The following CSRNP3 variants were observed in gnomAD, a reference collection of about 807,000 sequenced individuals.
CSRNP3 encodes the protein cysteine/serine-rich nuclear protein 3.
In CSRNP3, 12 loss-of-function variants were observed where a neutral mutation model predicts 48.0. The observed-to-expected ratio is 0.25, with a 90% CI of 0.16 to 0.41. The LOEUF is 0.41. Among genes scored for constraint, CSRNP3 ranks in the 10% least tolerant of loss-of-function variants. CSRNP3 has a pLI of 1.00. For synonymous variants in CSRNP3, 263 were observed against 269.7 expected (o/e 0.98, Z 0.24); for missense variants, 580 against 724.4 (o/e 0.80, Z 2.29).
chr2:165,538,282 A>C (rs1209533108), intron 3 of CSRNP3, among the ~76,000 whole-genome samples: 1 of 151,978 alleles, frequency 6.6e-6, no homozygotes, highest in Admixed American at 6.6e-5. Flanking sequence ...TTACTACTAC[A>C]TACCACCCTG....
chr2:165,560,915 G>T (rs553587105), intron 3 of CSRNP3, among the ~76,000 whole-genome samples: 35 of 152,170 alleles, frequency 2.3e-4, no homozygotes, highest in African/African-American at 8.2e-4. Flanking sequence ...ATGTGATTTG[G>T]CTCAGTGGAG....
intron 3 of CSRNP3, chr2:165,574,254 G>A (rs958718399): frequency 2.6e-6 from 2 of 758,564 alleles, no homozygotes; most frequent in South Asian, 1.9e-5. Flanking sequence ...AGCGAGAGGA[G>A]GGGGCAGAAG....
chr2:165,628,115 A>C (rs1686469066), intron 4 of CSRNP3, among the ~76,000 whole-genome samples: 1 of 151,880 alleles, frequency 6.6e-6, no homozygotes, highest in African/African-American at 2.4e-5. Context: ...TACCAGCCCT[A>C]CTCTGGCATG....
At chr2:165,580,536 C>T (rs1411572148) in intron 3 of CSRNP3, among the ~76,000 whole-genome samples, 1 of 152,052 alleles carries the variant, frequency 6.6e-6, no homozygotes, top group Non-Finnish European at 1.5e-5. Flanking sequence ...TGTGCAGTAT[C>T]TTTGGCAGGA....
intron 3 of CSRNP3, among the ~76,000 whole-genome samples, chr2:165,573,545 C>A (rs913303580): frequency 6.6e-6 from 1 of 152,176 alleles, no homozygotes; most frequent in African/African-American, 2.4e-5. Flanking sequence ...ACAAGCATTG[C>A]TGCTATATGA....
chr2:165,610,471 T>G (rs1686117726), intron 4 of CSRNP3, among the ~76,000 whole-genome samples: 2 of 152,210 alleles, frequency 1.3e-5, no homozygotes, highest in Non-Finnish European at 2.9e-5. Context: ...CGTAAAACTT[T>G]TTGTACTGGC....
At position 165,491,950 on chromosome 2, in the gene CSRNP3, T is replaced by TAAAAAA. The variant is rs560385044; in HGVS notation, c.-282-2797_-282-2792dup. Among the ~76,000 whole-genome samples, 259 of 104,544 alleles carry TAAAAAA rather than the reference T, an allele frequency of 2.5e-3. 3 individuals are homozygous for TAAAAAA. The highest frequency in any genetic ancestry group is 0.015 in the South Asian group (49 of 3,162). 68.6% of individuals were successfully genotyped at this position (104,544 alleles called of 152,430 possible). ...ATGTACCCTAAAACTTAAAGTATAATAAAAAAAAAAAAAAAAACAAAGCTA... is the reference window on the plus strand; with the variant it reads ...ATGTACCCTAAAACTTAAAGTATAATAAAAAAAAAAAAAAAAAAAAAAACAAAGCTA... On this transcript the variant is annotated intron_variant, in intron 1 of 6. Transcript: ENST00000651982.
At chr2:165,605,844 T>C (rs1686001350) in intron 4 of CSRNP3, among the ~76,000 whole-genome samples, 1 of 152,112 alleles carries the variant, frequency 6.6e-6, no homozygotes, top group Non-Finnish European at 1.5e-5. Flanking sequence ...GGAGTATGCT[T>C]AGCCTAACAG....
intron 5 of CSRNP3, among the ~76,000 whole-genome samples, chr2:165,672,990 T>A (rs890059194): frequency 6.6e-6 from 1 of 152,020 alleles, no homozygotes. Flanking sequence ...GTATCTCCAG[T>A]CTTTATTAGA....
intron 3 of CSRNP3, among the ~76,000 whole-genome samples, chr2:165,545,982 T>C (rs1685020033): frequency 6.6e-6 from 1 of 152,144 alleles, no homozygotes; most frequent in East Asian, 1.9e-4. Context: ...CTATTATTTG[T>C]TATTATTTGT....
At position 165,679,277 on chromosome 2, in the gene CSRNP3, T is replaced by C. The variant is rs765176942; in HGVS notation, c.1282T>C (p.Phe428Leu). Reference sequence around the variant, plus strand: ...CGAAAGCCATGCAAAGAATGCTTCTTTTTATGCCAACTCTTCAACTCTGTA... The same window carrying C: ...CGAAAGCCATGCAAAGAATGCTTCTCTTTATGCCAACTCTTCAACTCTGTA... ...VHESHAKNAS[F>L]YANSSTLYYQ... The change falls in exon 7 of 7, where the codon TTT becomes CTT. Residue 428 changes from phenylalanine (F) to leucine (L), a missense_variant. Coordinates refer to ENST00000651982, the MANE Select transcript of CSRNP3 (RefSeq NM_001172173.2). 5 of 1,613,836 alleles carry C rather than the reference T, an allele frequency of 3.1e-6. No individual in the cohort carries two copies. Among genetic ancestry groups the C allele is most frequent in the Non-Finnish European group, 4.2e-6 (5 of 1,179,986 alleles).
chr2:165,582,738 G>T (rs1291758124), intron 3 of CSRNP3, among the ~76,000 whole-genome samples: 1 of 152,176 alleles, frequency 6.6e-6, no homozygotes, highest in African/African-American at 2.4e-5. Flanking sequence ...TTTATCCTGG[G>T]AGTCCATAAT....
intron 3 of CSRNP3, among the ~76,000 whole-genome samples, chr2:165,541,243 A>C (rs1310862104): frequency 6.6e-6 from 1 of 151,360 alleles, no homozygotes; most frequent in Non-Finnish European, 1.5e-5. Flanking sequence ...TTAGACAGTG[A>C]GGAAGGACTT....
At chr2:165,531,755 T>C (rs1038068466) in intron 3 of CSRNP3, among the ~76,000 whole-genome samples, 4 of 152,034 alleles carry the variant, frequency 2.6e-5, no homozygotes, top group Non-Finnish European at 5.9e-5. Flanking sequence ...CTTCAAAAAA[T>C]TAATGAATCC....
At chr2:165,606,817 AACAC>A (rs1024643867) in intron 4 of CSRNP3, among the ~76,000 whole-genome samples, 1 of 152,140 alleles carries the variant, frequency 6.6e-6, no homozygotes, top group Non-Finnish European at 1.5e-5. Context: ...ATGTAATTAA[AACAC>A]ACACGCACAG....
chr2:165,656,484 A>T (rs1687007515), intron 4 of CSRNP3, among the ~76,000 whole-genome samples: 1 of 152,192 alleles, frequency 6.6e-6, no homozygotes, highest in Non-Finnish European at 1.5e-5. Flanking sequence ...TTTTCACAGC[A>T]CATACATATA....
At chr2:165,648,247 A>G (rs1312413388) in intron 4 of CSRNP3, among the ~76,000 whole-genome samples, 1 of 152,174 alleles carries the variant, frequency 6.6e-6, no homozygotes, top group Admixed American at 6.5e-5. Context: ...CAAAAGGAAA[A>G]TCATATATCT....
At chr2:165,553,202 C>G (rs1394057379) in intron 3 of CSRNP3, among the ~76,000 whole-genome samples, 1 of 152,140 alleles carries the variant, frequency 6.6e-6, no homozygotes. Context: ...TTCTAGCTCT[C>G]TTCTTCCAGT....
At chr2:165,480,285 G>T (rs930784911) in intron 1 of CSRNP3, among the ~76,000 whole-genome samples, 8 of 152,116 alleles carry the variant, frequency 5.3e-5, no homozygotes, top group Non-Finnish European at 1.0e-4. Context: ...TCTGGTTTGG[G>T]TCTTTAATTC....
Sources: allele counts gnomAD v4.1 joint callset (sites outside exome capture counted in the v4.1 genomes callset), GRCh38; gene constraint gnomAD v4.1.1; transcripts MANE v1.5; gene names NCBI Gene and HGNC (gene_info 2026-07-23, HGNC 2026-07-21).